Variants in DOCK4 observed in about 807,000 individuals in gnomAD.
DOCK4 encodes the protein dedicator of cytokinesis 4, also known as dedicator of cytokinesis protein 4.
DOCK4 carries 97 observed loss-of-function variants against 268.1 expected under a neutral mutation model. The ratio of observed to expected loss-of-function variants is 0.36; its 90% CI spans 0.31 to 0.43. The LOEUF is 0.43. Ranked by LOEUF, DOCK4 falls within the 20% of genes least tolerant of loss-of-function variation. The pLI is 1.00. For missense variants in DOCK4, 2,145 were observed against 2,455.7 expected, an observed-to-expected ratio of 0.87 and a Z score of 2.67; for synonymous variants, 954 against 887.2, an observed-to-expected ratio of 1.08 and a Z score of -1.34.
chr7:112,076,531 C>T (rs1214122542), intron 1 of DOCK4, among the ~76,000 whole-genome samples: 1 of 152,066 alleles, frequency 6.6e-6, no homozygotes, highest in Non-Finnish European at 1.5e-5. Flanking sequence ...GAATTCCACC[C>T]TAAGGCCCAC....
At chr7:111,847,168 C>A in intron 23 of DOCK4, 42 bp from the exon 24 acceptor site, 1 of 1,609,784 alleles carries the variant, frequency 6.2e-7, no homozygotes, top group Non-Finnish European at 8.5e-7. Context: ...TGTTGGAGTC[C>A]CACGCAATAC....
At chr7:111,870,318 CTTTTCTTTTTT>C in intron 20 of DOCK4, among the ~76,000 whole-genome samples, 1 of 144,344 alleles carries the variant, frequency 6.9e-6, no homozygotes, top group South Asian at 2.2e-4. Flanking sequence ...TTTTCTTTTT[CTTTTCTTTTTT>C]TTTTTTTTTT....
intron 12 of DOCK4, among the ~76,000 whole-genome samples, chr7:111,925,821 C>T (rs1341066717): frequency 6.6e-6 from 1 of 152,184 alleles, no homozygotes; most frequent in Non-Finnish European, 1.5e-5. Flanking sequence ...GGCACAGTGG[C>T]TCATGCCTGT....
intron 13 of DOCK4, among the ~76,000 whole-genome samples, chr7:111,906,183 G>A (rs1389945740): frequency 1.3e-5 from 2 of 152,122 alleles, no homozygotes; most frequent in Non-Finnish European, 2.9e-5. Context: ...AGCAAGGAAG[G>A]TAGTAGTCCT....
intron 8 of DOCK4, among the ~76,000 whole-genome samples, chr7:111,951,534 T>G (rs895056864): frequency 6.6e-6 from 1 of 151,752 alleles, no homozygotes; most frequent in African/African-American, 2.4e-5. Flanking sequence ...AGGCATGGTA[T>G]GGTAGCTCAC....
At chr7:112,109,393 A>G (rs78696253) in intron 1 of DOCK4, among the ~76,000 whole-genome samples, 8,704 of 152,264 alleles carry the variant, frequency 0.057, 442 homozygotes, top group Admixed American at 0.17. Flanking sequence ...AGGCCCCCCA[A>G]TAAGTCACAG....
chr7:112,021,139 A>G (rs1276474839), intron 1 of DOCK4, among the ~76,000 whole-genome samples: 2 of 152,196 alleles, frequency 1.3e-5, no homozygotes, highest in African/African-American at 4.8e-5. Flanking sequence ...CTTCTAAACT[A>G]TTTTGCTCCA....
At chr7:112,179,570 G>T (rs1026744926) in intron 1 of DOCK4, among the ~76,000 whole-genome samples, 3 of 151,288 alleles carry the variant, frequency 2.0e-5, no homozygotes, top group African/African-American at 4.9e-5. Context: ...AAACCCAGAA[G>T]TGAATTAAAC....
rs780334451 is a variant in DOCK4, at chr7:111,767,040, T to G, written c.3907A>C (p.Lys1303Gln). Residue 1303 changes from lysine to glutamine, a missense_variant, in exon 38 of 53, where the codon AAG becomes CAG. Coordinates refer to ENST00000428084, the MANE Select transcript of DOCK4 (RefSeq NM_001363540.2). ...GCATCCAGGCACCTTACCCGCATCT[T>G]GCTCAGGTTTCTGTAGTCATAATAA... ...ESYYDYRNLS[K>Q]MRMMEASLYD... 1.5e-5 allele frequency: 24 copies of G among 1,613,490 alleles called. No individual in the cohort carries two copies. The highest frequency in any genetic ancestry group is 1.7e-5 in the Admixed American group (1 of 59,994).
intron 1 of DOCK4, 83 bp downstream of exon 1, chr7:112,206,019 C>A: frequency 6.8e-7 from 1 of 1,465,812 alleles, no homozygotes; most frequent in South Asian, 1.2e-5. Context: ...CCGGGCGGAG[C>A]GAGAGGGGCG....
intron 9 of DOCK4, 86 bp downstream of exon 9, chr7:111,945,630 TG>T: frequency 8.6e-7 from 1 of 1,160,778 alleles, no homozygotes; most frequent in Non-Finnish European, 1.2e-6. Flanking sequence ...AAATTCACTA[TG>T]TTCTCTCACA....
intron 43 of DOCK4, 138 bp downstream of exon 43, chr7:111,747,129 A>G (rs551674654): frequency 3.6e-5 from 25 of 697,866 alleles, no homozygotes; most frequent in South Asian, 5.1e-5. Context: ...TGTTTGCTCT[A>G]TTTAACAAAG....
chr7:111,761,647 A>G (rs1184035608), intron 39 of DOCK4, among the ~76,000 whole-genome samples: 2 of 152,098 alleles, frequency 1.3e-5, no homozygotes, highest in African/African-American at 2.4e-5. Context: ...CAGGCCACAG[A>G]GAGGGAGTGA....
chr7:111,938,802 T>C (rs1794949920), intron 11 of DOCK4, among the ~76,000 whole-genome samples: 2 of 152,064 alleles, frequency 1.3e-5, no homozygotes, highest in South Asian at 4.2e-4. Context: ...AATATGACTG[T>C]ATCTTTATAA....
At chr7:112,094,370 G>A (rs936485050) in intron 1 of DOCK4, among the ~76,000 whole-genome samples, 19 of 152,146 alleles carry the variant, frequency 1.2e-4, no homozygotes, top group Admixed American at 2.0e-4. Flanking sequence ...CCAAATGATA[G>A]TTATATCAAA....
At chr7:112,203,934 A>C (rs1240931693) in intron 1 of DOCK4, among the ~76,000 whole-genome samples, 2 of 152,140 alleles carry the variant, frequency 1.3e-5, no homozygotes, top group Non-Finnish European at 2.9e-5. Flanking sequence ...ATTAATAATA[A>C]AGGTTAATTA....
chr7:111,963,390 C>A (rs1797102016), intron 8 of DOCK4, among the ~76,000 whole-genome samples: 1 of 127,382 alleles, frequency 7.9e-6, no homozygotes, highest in Non-Finnish European at 1.6e-5. Context: ...CATTGCCTCA[C>A]CTGGGAAGCG....
At chr7:111,902,151 G>A (rs1791200272) in intron 13 of DOCK4, among the ~76,000 whole-genome samples, 2 of 152,166 alleles carry the variant, frequency 1.3e-5, no homozygotes, top group Non-Finnish European at 2.9e-5. Context: ...GTGGCTCAGA[G>A]AAACCAGTCT....
chr7:111,760,171 G>A lies in DOCK4; in HGVS notation c.4162+10C>T. 6.2e-7 allele frequency: 1 copy of A among 1,613,838 alleles called. No individual in the cohort carries two copies. The highest frequency in any genetic ancestry group is 8.5e-7 in the Non-Finnish European group (1 of 1,179,794). ...ATCTCACTGAGTCCAGCCCTTGTAG[G>A]TGCGGATACACTGAGCTTCTGCCTG... On this transcript the variant is annotated intron_variant, in intron 40 of 52. Coordinates refer to ENST00000428084, the MANE Select transcript of DOCK4 (RefSeq NM_001363540.2).
Sources: allele counts gnomAD v4.1 joint callset (sites outside exome capture counted in the v4.1 genomes callset), GRCh38; gene constraint gnomAD v4.1.1; transcripts MANE v1.5; gene names NCBI Gene and HGNC (gene_info 2026-07-23, HGNC 2026-07-21).